BSCL2: variants seen among roughly 807,000 people sequenced by gnomAD.
BSCL2 encodes BSCL2 lipid droplet biogenesis associated, seipin.
A neutral mutation model predicts 57.4 loss-of-function variants in BSCL2; 41 were observed. The observed-to-expected ratio is 0.71, with a 90% CI of 0.56 to 0.93. The LOEUF (loss-of-function observed/expected upper bound fraction) is 0.93, where lower values mean the gene tolerates loss of function less well. Among genes scored for constraint, BSCL2 ranks in the 40% least tolerant of loss-of-function variants. BSCL2 has a pLI of 0.00. For synonymous variants in BSCL2, 237 were observed against 227.3 expected, an observed-to-expected ratio of 1.04 and a Z score of -0.38; for missense variants, 539 against 586.7, an observed-to-expected ratio of 0.92 and a Z score of 0.84.
At chr11:62,709,104 G>C (rs187913210), upstream of BSCL2, 315 of 482,172 alleles carry the variant, frequency 6.5e-4, 1 homozygote, top group Middle Eastern at 3.7e-3. Flanking sequence ...GACCTGCTCA[G>C]ACAATGGAGA....
intron 3 of BSCL2, 145 bp from the exon 4 acceptor site, chr11:62,694,856 TC>T (rs1945410653): frequency 2.0e-6 from 2 of 998,296 alleles, no homozygotes; most frequent in African/African-American, 3.2e-5. Context: ...TTTCAATCTG[TC>T]ATCCCAAGAA....
Position 62,707,295 on chromosome 11 carries a change from A to G in BSCL2, c.-100T>C, listed in dbSNP as rs1411716294. ...GACGCTGATACCTGTGGCGCATCAC[A>G]TTTTCCTGGATATGGAAAATGGAGG... is the stretch of plus-strand genomic sequence containing the variant. On this transcript the variant is annotated 5_prime_UTR_variant, in exon 1 of 11. It removes an upstream start codon present in the reference 5' UTR. Coordinates refer to ENST00000360796, the MANE Select transcript of BSCL2 (RefSeq NM_001122955.4). 1 of 1,031,378 alleles carries G rather than the reference A, an allele frequency of 9.7e-7. No individual in the cohort carries two copies. The highest frequency in any genetic ancestry group is 2.0e-5 in the Admixed American group (1 of 50,382). 63.9% of individuals were successfully genotyped at this position (1,031,378 alleles called of 1,614,324 possible). A position where few individuals can be genotyped will look rare whatever the true frequency, so the allele number is the denominator to read the frequency against.
upstream of BSCL2, chr11:62,709,391 C>A (rs1389425739): frequency 2.2e-6 from 1 of 453,938 alleles, no homozygotes; most frequent in South Asian, 1.6e-5. Context: ...GCTCAAGAGG[C>A]TGCGAAGAGC....
Position 62,690,683 on chromosome 11 carries a change from A to G in BSCL2, c.1163T>C (p.Leu388Pro), listed in dbSNP as rs1359521825. 1 of 1,613,734 alleles carries G rather than the reference A, an allele frequency of 6.2e-7. No individual in the cohort carries two copies. The highest frequency in any genetic ancestry group is 8.5e-7 in the Non-Finnish European group (1 of 1,180,006). Residue 388 changes from leucine (L) to proline (P), a missense_variant, in exon 10 of 11, where the codon CTG becomes CCG. Physicochemically the swap from Leu to Pro is moderately conservative, Grantham distance 98. Coordinates refer to ENST00000360796, the MANE Select transcript of BSCL2 (RefSeq NM_001122955.4). The stretch of plus-strand genomic sequence containing the variant: ...CTGATCTGGTTTCTCCTCCTCGGAC[A>G]GCTGACCCTCTGCAGCCAAAAGGGG... ...PEDPSGTEGQ[L>P]SEEEKPDQQP...
upstream of BSCL2, chr11:62,708,455 C>G: frequency 1.5e-6 from 2 of 1,339,682 alleles, no homozygotes; most frequent in Non-Finnish European, 2.1e-6. Context: ...TGCAGGTTCC[C>G]AAAGCTCAAG....
intron 1 of BSCL2, chr11:62,706,300 C>T: frequency 1.2e-5 from 13 of 1,117,598 alleles, no homozygotes; most frequent in Non-Finnish European, 1.4e-5. Context: ...ACGGGACTTC[C>T]GGCTCCCGGG....
intron 4 of BSCL2, among the ~76,000 whole-genome samples, chr11:62,693,122 C>A (rs1945355084): frequency 6.6e-6 from 1 of 152,148 alleles, no homozygotes; most frequent in Non-Finnish European, 1.5e-5. Context: ...TCCCAGCGCA[C>A]CATCTGAAGC....
intron 3 of BSCL2, among the ~76,000 whole-genome samples, chr11:62,695,897 G>T (rs1945446171): frequency 6.6e-6 from 1 of 150,592 alleles, no homozygotes; most frequent in Non-Finnish European, 1.5e-5. Flanking sequence ...CTGTTGGCCG[G>T]GCGCGGTTGG....
chr11:62,694,509 A>G, intron 4 of BSCL2, 59 bp downstream of exon 4: 1 of 1,612,140 alleles, frequency 6.2e-7, no homozygotes, highest in Non-Finnish European at 8.5e-7. Context: ...CCAGCCCCCT[A>G]CCCATTCTGA....
At chr11:62,706,343 T>G in intron 1 of BSCL2, 6 of 1,110,070 alleles carry the variant, frequency 5.4e-6, no homozygotes, top group Non-Finnish European at 6.7e-6. Flanking sequence ...GCCGCTTTTG[T>G]AGCCGTGGGA....
chr11:62,707,389 G>T lies in BSCL2; in HGVS notation c.-194C>A. 1.4e-6 allele frequency: 1 copy of T among 708,850 alleles called. No homozygotes were observed. Among genetic ancestry groups the T allele is most frequent in the Non-Finnish European group, 2.6e-6 (1 of 391,448 alleles). The allele number at this position is 708,850 out of a possible 1,614,324, so 43.9% of individuals were successfully genotyped here. On this transcript the variant is annotated 5_prime_UTR_variant, in exon 1 of 11. Coordinates refer to ENST00000360796, the MANE Select transcript of BSCL2 (RefSeq NM_001122955.4). ...CAGAGTAGAGGGAGGAAAGGAGGAG[G>T]GGGGCGACTGCCCAGCTGATGTCAG... is the stretch of plus-strand genomic sequence containing the variant.
At chr11:62,692,871 AC>A in intron 4 of BSCL2, 74 bp from the exon 5 acceptor site, 1 of 1,591,202 alleles carries the variant, frequency 6.3e-7, no homozygotes, top group Non-Finnish European at 8.6e-7. Context: ...CCCCTCAACC[AC>A]CCCTGAGTAG....
rs76541361 is a variant in BSCL2, at chr11:62,694,966, G to A, written c.487-255C>T. 0.03 allele frequency among the ~76,000 whole-genome samples: 4,519 copies of A among 152,246 alleles called. 112 individuals carry two copies. Among genetic ancestry groups the A allele is most frequent in the Non-Finnish European group, 0.05 (3,373 of 68,010 alleles). ...GACTGGCTACCCTGTTCCCAGAAAG[G>A]CTGTGTCACGTTTCTTTTCCAAAAG... On this transcript the variant is annotated intron_variant, in intron 3 of 10. Transcript: ENST00000360796.
At chr11:62,696,290 G>T (rs945519532) in intron 3 of BSCL2, among the ~76,000 whole-genome samples, 7 of 150,684 alleles carry the variant, frequency 4.6e-5, no homozygotes, top group Admixed American at 1.3e-4. Flanking sequence ...GTGTGTGTGT[G>T]TGTGTGTGTG....
chr11:62,698,210 T>TTTACAGTTTA, intron 3 of BSCL2, among the ~76,000 whole-genome samples: 1 of 122,552 alleles, frequency 8.2e-6, no homozygotes. Context: ...CCCGGCCTCT[T>TTTACAGTTTA]CTTTTTGAGA....
Position 62,699,578 on chromosome 11 carries a change from T to G in BSCL2, c.486+2890A>C, listed in dbSNP as rs545837772. The stretch of plus-strand genomic sequence containing the variant: ...ATTCTAGGCCAGGCATGGTGGCTCA[T>G]ACCTGTAATCCCAGCAGTTTGGAAG... On this transcript the variant is annotated intron_variant, in intron 3 of 10. Transcript: ENST00000360796. Among the ~76,000 whole-genome samples, 5 of 151,942 alleles carry G rather than the reference T, an allele frequency of 3.3e-5. No homozygotes were observed. In the South Asian group the frequency reaches 1.0e-3, roughly 32 times the overall value.
upstream of BSCL2, chr11:62,708,313 G>A (rs144609781): frequency 1.6e-5 from 26 of 1,612,088 alleles, no homozygotes; most frequent in Non-Finnish European, 2.1e-5. Context: ...GTGAGACCCC[G>A]GTGAACAGCA....
rs531470892 is a variant in BSCL2, at chr11:62,702,382, A to T, written c.486+86T>A. ...TGCCCGGCCAGTCTCTTATTACTCAATTCCTTCTCTCTAGGCCTTTCTCAA... is the reference window on the plus strand; with the variant it reads ...TGCCCGGCCAGTCTCTTATTACTCATTTCCTTCTCTCTAGGCCTTTCTCAA... On this transcript the variant is annotated intron_variant, in intron 3 of 10. Coordinates refer to ENST00000360796, the MANE Select transcript of BSCL2 (RefSeq NM_001122955.4). 2.1e-5 allele frequency: 26 copies of T among 1,210,728 alleles called. No homozygotes were observed. The East Asian group carries it at 6.8e-4, about 32-fold the overall frequency. 75.0% of individuals were successfully genotyped at this position (1,210,728 alleles called of 1,614,324 possible).
chr11:62,709,017 A>G, upstream of BSCL2: 1 of 559,328 alleles, frequency 1.8e-6, no homozygotes, highest in Non-Finnish European at 3.2e-6. Context: ...CACCCCAGAG[A>G]TATGAGGCAC....
Sources: allele counts gnomAD v4.1 joint callset (sites outside exome capture counted in the v4.1 genomes callset), GRCh38; gene constraint gnomAD v4.1.1; transcripts MANE v1.5; gene names NCBI Gene and HGNC (gene_info 2026-07-23, HGNC 2026-07-21).